The following MAZ variants were observed in gnomAD, a reference collection of about 807,000 sequenced individuals.
MAZ encodes MYC associated zinc finger protein.
Under a neutral mutation model 32.7 loss-of-function variants are expected in MAZ, and 4 were observed. The ratio of observed to expected loss-of-function variants is 0.12; its 90% CI spans 0.06 to 0.28. The LOEUF (loss-of-function observed/expected upper bound fraction) is 0.28. Among genes scored for constraint, MAZ ranks in the 10% least tolerant of loss-of-function variants. MAZ has a pLI of 1.00. For missense variants in MAZ, 763 were observed against 667.2 expected (o/e 1.14, Z -1.58); for synonymous variants, 510 against 297.6 (o/e 1.71, Z -7.35).
chr16:29,808,824 G>A (rs764808375), intron 4 of MAZ, 83 bp downstream of exon 4: 1 of 1,420,786 alleles, frequency 7.0e-7, no homozygotes, highest in South Asian at 1.3e-5. Flanking sequence ...CGGGTTAAGG[G>A]TGCTGTAGCC....
At chr16:29,808,786 C>T (rs772142386) in intron 4 of MAZ, 45 bp downstream of exon 4, 5 of 1,595,086 alleles carry the variant, frequency 3.1e-6, no homozygotes, top group African/African-American at 2.7e-5. Flanking sequence ...AGAGGGTGGG[C>T]GCCTGGCCAG....
At position 29,807,511 on chromosome 16, in the gene MAZ, C is replaced by G. The variant is rs761068108; in HGVS notation, c.726C>G (p.Ser242Arg). ...PLSLLSVPQL[S>R]GAGGGGGEAG... ...GCCTCCTGAGCGTGCCCCAGCTGAG[C>G]GGAGCCGGCGGGGGAGGGGGAGAGG... Residue 242 changes from serine (S) to arginine (R), a missense_variant, in exon 2 of 5, where the codon AGC becomes AGG. Coordinates refer to ENST00000322945, the MANE Select transcript of MAZ (RefSeq NM_002383.4). 1.9e-6 allele frequency: 3 copies of G among 1,610,398 alleles called. No homozygotes were observed. Among genetic ancestry groups the G allele is most frequent in the Middle Eastern group, 3.3e-4 (2 of 6,040 alleles).
rs747608454 is a variant in MAZ, at chr16:29,807,437, G to A, written c.652G>A (p.Gly218Ser). 24 of 1,612,324 alleles carry A rather than the reference G, an allele frequency of 1.5e-5. No individual in the cohort carries two copies. The South Asian group carries it at 2.6e-4, about 18-fold the overall frequency. Reference sequence around the variant, plus strand: ...AGCCATCCACACGGGAGCCAAGGCCGGCCGGGTCCCCTCGGGTGCTATGAA... The same window carrying A: ...AGCCATCCACACGGGAGCCAAGGCCAGCCGGGTCCCCTCGGGTGCTATGAA... ...HEAIHTGAKAGRVPSGAMKMP... is the reference protein window; with the variant it reads ...HEAIHTGAKASRVPSGAMKMP... The change falls in exon 2 of 5, where the codon GGC becomes AGC. Residue 218 changes from glycine (G) to serine (S), a missense_variant. Transcript: ENST00000322945.
At position 29,807,442 on chromosome 16, in the gene MAZ, G is replaced by A; in HGVS notation, c.657G>A (p.Arg219=). 1 of 1,612,426 alleles carries A rather than the reference G, an allele frequency of 6.2e-7. No homozygotes were observed. The highest frequency in any genetic ancestry group is 1.1e-5 in the South Asian group (1 of 91,074). The stretch of plus-strand genomic sequence containing the variant: ...TCCACACGGGAGCCAAGGCCGGCCG[G>A]GTCCCCTCGGGTGCTATGAAGATGC... ...EAIHTGAKAG[R]VPSGAMKMPT... is the part of the protein sequence containing the mutation. Residue 219 remains arginine (R), a synonymous_variant, in exon 2 of 5, where the codon CGG becomes CGA. Coordinates refer to ENST00000322945, the MANE Select transcript of MAZ (RefSeq NM_002383.4).
At position 29,808,307 on chromosome 16, in the gene MAZ, C is replaced by G; in HGVS notation, c.1107+14C>G. 1 of 1,611,598 alleles carries G rather than the reference C, an allele frequency of 6.2e-7. No individual in the cohort carries two copies. Among genetic ancestry groups the G allele is most frequent in the Admixed American group, 1.7e-5 (1 of 60,004 alleles). On this transcript the variant is annotated intron_variant, in intron 3 of 4. Transcript: ENST00000322945. ...TTCAAATGTGAGGTAGGAAGCCCGC[C>G]TCCTCCTGTCTTGGTTTTCATGATT...
In MAZ at chr16:29,810,992, C is replaced by T. The variant is rs1163948943; in HGVS notation, c.*761C>T. 9.0e-6 allele frequency: 4 copies of T among 445,234 alleles called. No homozygotes were observed. Among genetic ancestry groups the T allele is most frequent in the African/African-American group, 4.0e-5 (2 of 49,762 alleles). 27.6% of individuals were successfully genotyped at this position (445,234 alleles called of 1,614,324 possible). A position where few individuals can be genotyped will look rare whatever the true frequency, so the allele number is the denominator to read the frequency against. On this transcript the variant is annotated 3_prime_UTR_variant, in exon 5 of 5. Coordinates refer to ENST00000322945, the MANE Select transcript of MAZ (RefSeq NM_002383.4). ...GGAATGCAGCCAGTGTCCCCCTCCC[C>T]TCTTCCACCCCAGCTCCAGCCCTGG...
At position 29,807,301 on chromosome 16, in the gene MAZ, C is replaced by A; in HGVS notation, c.516C>A (p.Ala172=). Residue 172 remains alanine (A), a synonymous_variant, in exon 2 of 5, where the codon GCC becomes GCA. Transcript: ENST00000322945. ...TCGTAGCCCCAACCTCGACGGTCGC[C>A]GTGGCCCCGGTCGCGTCTGCCTTGG... ...TAVVAPTSTV[A]VAPVASALEK... is the part of the protein sequence containing the mutation. 6.3e-7 allele frequency: 1 copy of A among 1,575,904 alleles called. No individual in the cohort carries two copies. Among genetic ancestry groups the A allele is most frequent in the East Asian group, 2.4e-5 (1 of 42,162 alleles).
intron 2 of MAZ, 178 bp from the exon 3 acceptor site, chr16:29,808,051 AG>A: frequency 2.0e-6 from 2 of 1,014,492 alleles, no homozygotes; most frequent in South Asian, 1.5e-5. Flanking sequence ...GCGTGGGAGG[AG>A]GCGGCGGCGG....
intron 1 of MAZ, 27 bp from the exon 2 acceptor site, chr16:29,806,951 G>C (rs1416121849): frequency 4.5e-6 from 5 of 1,115,316 alleles, no homozygotes; most frequent in Non-Finnish European, 5.5e-6. Flanking sequence ...CCGCACCCGC[G>C]GCCCACTCGG....
chr16:29,807,355 C>T lies in MAZ; in HGVS notation c.570C>T (p.Tyr190=), dbSNP rs376780995. Residue 190 remains tyrosine, a synonymous_variant, in exon 2 of 5, where the codon TAC becomes TAT. Transcript: ENST00000322945. ...LEKKTKSKGP[Y]ICALCAKEFK... ...AGAAGACAAAGAGCAAGGGGCCCTACATCTGCGCTCTGTGCGCCAAGGAGT... is the reference window on the plus strand; with the variant it reads ...AGAAGACAAAGAGCAAGGGGCCCTATATCTGCGCTCTGTGCGCCAAGGAGT... 2,045 of 1,612,174 alleles carry T rather than the reference C, an allele frequency of 1.3e-3. 2 individuals carry two copies. The highest frequency in any genetic ancestry group is 1.4e-3 in the Non-Finnish European group (1,598 of 1,179,626).
At chr16:29,806,428 CGG>C (rs1567366528), upstream of MAZ, 2 of 134,836 alleles carry the variant, frequency 1.5e-5, no homozygotes, top group African/African-American at 5.7e-5. Flanking sequence ...CGCCGCCGCC[CGG>C]GCCCCCGCCC....
rs1185706859 is a variant in MAZ at position 29,810,484 on chromosome 16, G to A, written c.*253G>A. ...TGTGTTGAAGTCCCCTGGACAGTGG[G>A]CAGGGGTGGCAGAGGACACGAGCAG... On this transcript the variant is annotated 3_prime_UTR_variant, in exon 5 of 5. Transcript: ENST00000322945. 2 of 703,188 alleles carry A rather than the reference G, an allele frequency of 2.8e-6. No homozygotes were observed. The highest frequency in any genetic ancestry group is 5.2e-6 in the Non-Finnish European group (2 of 386,036). The allele number at this position is 703,188 out of a possible 1,614,324, so 43.6% of individuals were successfully genotyped here.
Position 29,810,187 on chromosome 16 carries a change from G to T in MAZ, c.1390G>T (p.Gly464Trp), listed in dbSNP as rs534860404. 6.2e-7 allele frequency: 1 copy of T among 1,607,188 alleles called. No homozygotes were observed. Among genetic ancestry groups the T allele is most frequent in the Non-Finnish European group, 8.5e-7 (1 of 1,177,182 alleles). Residue 464 changes from glycine (G) to tryptophan (W), a missense_variant, in exon 5 of 5, where the codon GGG becomes TGG. By Grantham distance (184) the Gly-to-Trp change is radical. Coordinates refer to ENST00000322945, the MANE Select transcript of MAZ (RefSeq NM_002383.4). Reference protein sequence around the residue: ...TAVGSLSGAEGVPVSSQPLPS... With the variant: ...TAVGSLSGAEWVPVSSQPLPS... ...TGTGGGCTCCCTCTCGGGGGCGGAG[G>T]GGGTGCCTGTGAGCTCTCAGCCACT...
chr16:29,809,753 C>CGCACCCACCAGGCAAG, intron 4 of MAZ: 1 of 1,420,494 alleles, frequency 7.0e-7, no homozygotes. Flanking sequence ...GGGGGACCCC[C>CGCACCCACCAGGCAAG]GCACCCACCA....
In MAZ at chr16:29,807,239, T is replaced by A. The variant is rs1464091274; in HGVS notation, c.454T>A (p.Ser152Thr). The change falls in exon 2 of 5, where the codon TCC becomes ACC. Residue 152 changes from serine (S) to threonine (T), a missense_variant. By Grantham distance (58) the Ser-to-Thr change is moderately conservative. Coordinates refer to ENST00000322945, the MANE Select transcript of MAZ (RefSeq NM_002383.4). ...APAAEAAPPA[S>T]AATIAAAAAT... is the part of the protein sequence containing the mutation. Reference sequence around the variant, plus strand: ...CGCGGCCGAGGCCGCGCCCCCCGCCTCCGCCGCCACTATCGCCGCGGCGGC... The same window carrying A: ...CGCGGCCGAGGCCGCGCCCCCCGCCACCGCCGCCACTATCGCCGCGGCGGC... The A allele has an allele frequency of 2.2e-6, 3 of 1,393,952 alleles. No individual in the cohort carries two copies. The highest frequency in any genetic ancestry group is 2.8e-6 in the Non-Finnish European group (3 of 1,068,636). The allele number at this position is 1,393,952 out of a possible 1,614,324, so 86.3% of individuals were successfully genotyped here. A position where few individuals can be genotyped will look rare whatever the true frequency, so the allele number is the denominator to read the frequency against.
At chr16:29,808,339 C>T (rs772546890) in intron 3 of MAZ, 46 bp downstream of exon 3, 17 of 1,560,550 alleles carry the variant, frequency 1.1e-5, no homozygotes, top group African/African-American at 1.4e-5. Context: ...GATTTTGATC[C>T]TCATGGTAGC....
At chr16:29,808,968 T>C (rs949154241) in intron 4 of MAZ, 2 of 568,484 alleles carry the variant, frequency 3.5e-6, no homozygotes, top group Non-Finnish European at 6.2e-6. Context: ...CTCCTGGTAA[T>C]GTGTGGGGAA....
At chr16:29,806,199 C>CT, upstream of MAZ, 1 of 417,370 alleles carries the variant, frequency 2.4e-6, no homozygotes, top group Non-Finnish European at 3.9e-6. Flanking sequence ...TCCCTCCCCC[C>CT]GCCCCCACCC....
In MAZ at chr16:29,808,230, G is replaced by A. The variant is rs1899660874; in HGVS notation, c.1044G>A (p.Arg348=). Residue 348 remains arginine (R), a splice_region_variant and synonymous_variant, in exon 3 of 5, where the codon CGG becomes CGA. Coordinates refer to ENST00000322945, the MANE Select transcript of MAZ (RefSeq NM_002383.4). ...NCSHCGKSFS[R]PDHLNSHVRQ... ...AACCCCAACCCCAACGTGTCCCCAGGCCGGATCACCTCAACAGTCACGTCA... is the reference window on the plus strand; with the variant it reads ...AACCCCAACCCCAACGTGTCCCCAGACCGGATCACCTCAACAGTCACGTCA... The A allele has an allele frequency of 1.2e-6, 2 of 1,614,016 alleles. No homozygotes were observed. Among genetic ancestry groups the A allele is most frequent in the African/African-American group, 1.3e-5 (1 of 75,010 alleles).
Sources: allele counts gnomAD v4.1 joint callset, GRCh38; gene constraint gnomAD v4.1.1; transcripts MANE v1.5; gene names NCBI Gene and HGNC (gene_info 2026-07-23, HGNC 2026-07-21).